Variants in CHDH observed in about 807,000 individuals in gnomAD.
CHDH encodes choline dehydrogenase.
A neutral mutation model predicts 56.9 loss-of-function variants in CHDH; 43 were observed. The observed-to-expected ratio is 0.76, with a 90% CI of 0.59 to 0.97. The LOEUF is 0.97. CHDH is among the 50% of genes least tolerant of loss of function. The pLI, the probability that CHDH is intolerant of heterozygous loss-of-function variation, is 0.00. For missense variants in CHDH, 816 were observed against 821.1 expected, an observed-to-expected ratio of 0.99 and a Z score of 0.08; for synonymous variants, 364 against 348.5, an observed-to-expected ratio of 1.04 and a Z score of -0.50.
Position 53,823,954 on chromosome 3 carries a change from G to A in CHDH, c.55C>T (p.Leu19=), listed in dbSNP as rs765341721. The change falls in exon 3 of 9, where the codon CTG becomes TTG. Residue 19 remains leucine (L), a synonymous_variant. Coordinates refer to ENST00000315251, the MANE Select transcript of CHDH (RefSeq NM_018397.5). ...GCACCCAGGGATTGCTGCTGCCCCA[G>A]GGCTCCCCGTGCCAGGGCTCCAGGC... is the stretch of plus-strand genomic sequence containing the variant. ...GRPGALARGA[L]GQQQSLGARA... The A allele has an allele frequency of 9.2e-6, 14 of 1,520,280 alleles. No individual in the cohort carries two copies. Among genetic ancestry groups the A allele is most frequent in the Non-Finnish European group, 1.1e-5 (13 of 1,140,232 alleles). The allele number at this position is 1,520,280 out of a possible 1,614,324, so 94.2% of individuals were successfully genotyped here.
chr3:53,835,588 C>T (rs1275131461), intron 2 of CHDH, among the ~76,000 whole-genome samples: 1 of 152,240 alleles, frequency 6.6e-6, no homozygotes, highest in African/African-American at 2.4e-5. Flanking sequence ...CCTTCTAGTA[C>T]TGGCTTTGAC....
At position 53,815,802 on chromosome 3, in the gene CHDH, C is replaced by G. The variant is rs1314975010; in HGVS notation, c.*1975G>C. ...CCCTGCCCCTGAATCCACACACGCT[C>G]CAGCAGGAAAGCTGCACGAGGCCCT... On this transcript the variant is annotated 3_prime_UTR_variant, in exon 9 of 9. Coordinates refer to ENST00000315251, the MANE Select transcript of CHDH (RefSeq NM_018397.5). 1 of 152,262 alleles carries G rather than the reference C, an allele frequency of 6.6e-6. No individual in the cohort carries two copies. The highest frequency in any genetic ancestry group is 1.5e-5 in the Non-Finnish European group (1 of 68,112). 9.4% of individuals were successfully genotyped at this position (152,262 alleles called of 1,614,324 possible). A position where few individuals can be genotyped will look rare whatever the true frequency, so the allele number is the denominator to read the frequency against.
Position 53,820,606 on chromosome 3 carries a change from C to T in CHDH, c.988G>A (p.Val330Ile), listed in dbSNP as rs1178161402. 5.6e-6 allele frequency: 9 copies of T among 1,611,082 alleles called. No individual in the cohort carries two copies. The Admixed American group carries it at 1.5e-4, about 27-fold the overall frequency. ...AGGTGGTCTTGCAGGTTCTGGCCAA[C>T]CCCTGATACGGGAAGGAGTGGTTTA... is the stretch of plus-strand genomic sequence containing the variant. ...GIPVVCHLPG[V>I]GQNLQDHLEI... Residue 330 changes from valine to isoleucine, a missense_variant and splice_region_variant, in exon 6 of 9, where the codon GTT (valine) becomes ATT (isoleucine). Transcript: ENST00000315251.
intron 1 of CHDH, among the ~76,000 whole-genome samples, chr3:53,841,546 G>C (rs573840109): frequency 6.6e-6 from 1 of 152,272 alleles, no homozygotes; most frequent in East Asian, 1.9e-4. Flanking sequence ...AAGCACCTTG[G>C]CCAGCCAAGG....
chr3:53,838,123 G>A (rs1009276123), intron 2 of CHDH, among the ~76,000 whole-genome samples: 1 of 150,558 alleles, frequency 6.6e-6, no homozygotes, highest in South Asian at 2.1e-4. Context: ...CTAACACCCA[G>A]GCAAGGGTGG....
rs575515793 is a variant in CHDH, at chr3:53,814,357, C to T, written c.*3420G>A. The T allele has an allele frequency of 6.6e-6, 1 of 152,346 alleles. No individual in the cohort carries two copies. Among genetic ancestry groups the T allele is most frequent in the East Asian group, 1.9e-4 (1 of 5,188 alleles). 9.4% of individuals were successfully genotyped at this position (152,346 alleles called of 1,614,324 possible). A position where few individuals can be genotyped will look rare whatever the true frequency, so the allele number is the denominator to read the frequency against. On this transcript the variant is annotated 3_prime_UTR_variant, in exon 9 of 9. Transcript: ENST00000315251. ...TGATTAGCCCACCCCAACTCAAAAT[C>T]TGACTCCAGGGATGTTTTGTTGAAA...
chr3:53,843,206 G>GTTTT (rs1263452743), intron 1 of CHDH, among the ~76,000 whole-genome samples: 39 of 123,630 alleles, frequency 3.2e-4, no homozygotes, highest in African/African-American at 8.7e-4. Context: ...TTTTTTTTTG[G>GTTTT]TTCTGCCTCT....
chr3:53,820,805 G>A (rs555362162), intron 5 of CHDH, among the ~76,000 whole-genome samples, 197 bp from the exon 6 acceptor site: 1 of 152,330 alleles, frequency 6.6e-6, no homozygotes, highest in Admixed American at 6.5e-5. Flanking sequence ...GGCCTGCCTC[G>A]GATGCTGCCA....
In CHDH at chr3:53,824,055, G is replaced by A; in HGVS notation, c.-47C>T. On this transcript the variant is annotated 5_prime_UTR_variant, in exon 3 of 9. Coordinates refer to ENST00000315251, the MANE Select transcript of CHDH (RefSeq NM_018397.5). ...TCTGATCCACGGAGGGGAATGAGATGACTCACTTCTCCCTAAAACAGGAAG... is the reference window on the plus strand; with the variant it reads ...TCTGATCCACGGAGGGGAATGAGATAACTCACTTCTCCCTAAAACAGGAAG... 1 of 1,400,164 alleles carries A rather than the reference G, an allele frequency of 7.1e-7. No homozygotes were observed. The highest frequency in any genetic ancestry group is 9.3e-7 in the Non-Finnish European group (1 of 1,079,232). 86.7% of individuals were successfully genotyped at this position (1,400,164 alleles called of 1,614,324 possible).
At position 53,821,683 on chromosome 3, in the gene CHDH, T is replaced by G. The variant is rs1576780477; in HGVS notation, c.949A>C (p.Lys317Gln). The change falls in exon 5 of 9, where the codon AAG becomes CAG. Residue 317 changes from lysine to glutamine, a missense_variant. By Grantham distance (53) the Lys-to-Gln change is moderately conservative (BLOSUM62 1). Coordinates refer to ENST00000315251, the MANE Select transcript of CHDH (RefSeq NM_018397.5). ...LSGIGNADDL[K>Q]KLGIPVVCHL... ...CACACCACAGGGATGCCCAGTTTCT[T>G]GAGGTCATCAGCATTCCCGATGCCA... The G allele has an allele frequency of 6.2e-7, 1 of 1,613,972 alleles. No individual in the cohort carries two copies. The highest frequency in any genetic ancestry group is 8.5e-7 in the Non-Finnish European group (1 of 1,179,872).
intron 2 of CHDH, among the ~76,000 whole-genome samples, chr3:53,824,617 C>T (rs975248104): frequency 1.2e-4 from 18 of 152,232 alleles, no homozygotes; most frequent in African/African-American, 4.1e-4. Flanking sequence ...GCCTTTGACC[C>T]GAGGGGCCAT....
chr3:53,820,661 T>C, intron 5 of CHDH, 53 bp from the exon 6 acceptor site: 2 of 1,576,422 alleles, frequency 1.3e-6, no homozygotes, highest in Non-Finnish European at 1.7e-6. Flanking sequence ...GCTCAGCTGC[T>C]TCTCAATATC....
At position 53,822,552 on chromosome 3, in the gene CHDH, A is replaced by G. The variant is rs746880748; in HGVS notation, c.794T>C (p.Val265Ala). The G allele has an allele frequency of 6.2e-7, 1 of 1,613,200 alleles. No homozygotes were observed. Among genetic ancestry groups the G allele is most frequent in the Non-Finnish European group, 8.5e-7 (1 of 1,179,912 alleles). The stretch of plus-strand genomic sequence containing the variant: ...CACTGCACGGGTGCCCTCAAATAGC[A>G]CCCTGCTCACAAGCGTCTCGGCCTC... ...KAEAETLVSR[V>A]LFEGTRAVGV... Residue 265 changes from valine (V) to alanine (A), a missense_variant, in exon 4 of 9, where the codon GTG becomes GCG. Coordinates refer to ENST00000315251, the MANE Select transcript of CHDH (RefSeq NM_018397.5).
At position 53,831,952 on chromosome 3, in the gene CHDH, C is replaced by CAAAA. The variant is rs113683840; in HGVS notation, c.-59-7889_-59-7886dup. Reference sequence around the variant, plus strand: ...CTGGCAACAGAGCCAGACTCCATCTCAAAAAAAAAAAAAAAGAAAGAAAAG... The same window carrying CAAAA: ...CTGGCAACAGAGCCAGACTCCATCTCAAAAAAAAAAAAAAAAAAAGAAAGAAAAG... On this transcript the variant is annotated intron_variant, in intron 2 of 8. Coordinates refer to ENST00000315251, the MANE Select transcript of CHDH (RefSeq NM_018397.5). 3.8e-5 allele frequency among the ~76,000 whole-genome samples: 4 copies of CAAAA among 106,608 alleles called. 1 individual carries two copies. In the South Asian group the frequency reaches 1.2e-3, roughly 31 times the overall value. 69.9% of individuals were successfully genotyped at this position (106,608 alleles called of 152,430 possible).
intron 2 of CHDH, among the ~76,000 whole-genome samples, chr3:53,840,100 T>G (rs2106985438): frequency 6.6e-6 from 1 of 152,138 alleles, no homozygotes; most frequent in South Asian, 2.1e-4. Context: ...GACAGTTAGA[T>G]AGAAGAATTA....
intron 2 of CHDH, among the ~76,000 whole-genome samples, chr3:53,832,887 T>C (rs1332467410): frequency 6.6e-6 from 1 of 152,196 alleles, no homozygotes; most frequent in African/African-American, 2.4e-5. Context: ...ATTGTGAATA[T>C]ACTTAATGCC....
intron 2 of CHDH, among the ~76,000 whole-genome samples, chr3:53,828,766 G>A (rs534909939): frequency 6.6e-6 from 1 of 152,320 alleles, no homozygotes; most frequent in Non-Finnish European, 1.5e-5. Flanking sequence ...ACAAGGATGT[G>A]AGGCAACAGG....
chr3:53,840,190 T>C (rs958333085), intron 2 of CHDH, among the ~76,000 whole-genome samples: 1 of 152,192 alleles, frequency 6.6e-6, no homozygotes, highest in Non-Finnish European at 1.5e-5. Flanking sequence ...CAACCTGTTA[T>C]ACATTTCAAA....
intron 2 of CHDH, among the ~76,000 whole-genome samples, chr3:53,837,990 C>G (rs11718497): frequency 0.52 from 74,323 of 144,282 alleles, 20,247 homozygotes; most frequent in South Asian, 0.65. Context: ...CTGGGAGGCA[C>G]AGGTTGCCAT....
Sources: allele counts gnomAD v4.1 joint callset (sites outside exome capture counted in the v4.1 genomes callset), GRCh38; gene constraint gnomAD v4.1.1; transcripts MANE v1.5; gene names NCBI Gene and HGNC (gene_info 2026-07-23, HGNC 2026-07-21).